The following LRP8 variants were observed in gnomAD, a reference collection of about 807,000 sequenced individuals.
LRP8 encodes low-density lipoprotein receptor-related protein 8.
In LRP8, 46 loss-of-function variants were observed where a neutral mutation model predicts 111.6. The observed-to-expected ratio is 0.41, with a 90% CI of 0.33 to 0.53. The LOEUF (loss-of-function observed/expected upper bound fraction) is 0.53. Ranked by LOEUF, LRP8 falls within the 20% of genes least tolerant of loss-of-function variation. LRP8 has a pLI of 0.20. For missense variants in LRP8, 959 were observed against 1,297.4 expected, an observed-to-expected ratio of 0.74 and a Z score of 4.01; for synonymous variants, 464 against 511.2, an observed-to-expected ratio of 0.91 and a Z score of 1.24.
Position 53,246,425 on chromosome 1 carries a change from CAG to C in LRP8, c.*591_*592del, listed in dbSNP as rs1215607399. 6 of 152,364 alleles carry C rather than the reference CAG, an allele frequency of 3.9e-5. No individual in the cohort carries two copies. Among genetic ancestry groups the C allele is most frequent in the Non-Finnish European group, 8.8e-5 (6 of 68,214 alleles). The allele number at this position is 152,364 out of a possible 1,614,324, so 9.4% of individuals were successfully genotyped here. ...ACATATAAACACACACATACACACA[CAG>C]AGTCTGTGTGGTGGGCCAAACATGC... On this transcript the variant is annotated 3_prime_UTR_variant, in exon 19 of 19. Transcript: ENST00000306052.
At position 53,246,137 on chromosome 1, in the gene LRP8, T is replaced by G. The variant is rs5176; in HGVS notation, c.*881A>C. On this transcript the variant is annotated 3_prime_UTR_variant, in exon 19 of 19. Transcript: ENST00000306052. ...AAAGCCAAGAAAGCCCTGGTAGGAG[T>G]CACAGCAGCCATGGGTGAGCTGAAA... The G allele has an allele frequency of 6.4e-4, 98 of 152,134 alleles. No homozygotes were observed. The highest frequency in any genetic ancestry group is 2.2e-3 in the African/African-American group (91 of 41,486). The allele number at this position is 152,134 out of a possible 1,614,324, so 9.4% of individuals were successfully genotyped here.
intron 2 of LRP8, among the ~76,000 whole-genome samples, chr1:53,309,147 C>A (rs1306211074): frequency 6.6e-6 from 1 of 152,236 alleles, no homozygotes; most frequent in East Asian, 1.9e-4. Flanking sequence ...TGGTCGCAGG[C>A]GCCTGTAATG....
chr1:53,257,759 C>T (rs1177985979), intron 14 of LRP8, among the ~76,000 whole-genome samples: 3 of 152,226 alleles, frequency 2.0e-5, no homozygotes, highest in Non-Finnish European at 4.4e-5. Flanking sequence ...ATTTTACACT[C>T]ATATATTGTT....
intron 8 of LRP8, 139 bp downstream of exon 8, chr1:53,270,889 G>C: frequency 1.6e-6 from 2 of 1,242,464 alleles, no homozygotes; most frequent in South Asian, 1.4e-5. Flanking sequence ...ACAAGGGACC[G>C]AGGATTCCCG....
rs1398652287 is a variant in LRP8, at chr1:53,250,668, T to C, written c.2676+22A>G. 1 of 1,606,586 alleles carries C rather than the reference T, an allele frequency of 6.2e-7. No homozygotes were observed. Among genetic ancestry groups the C allele is most frequent in the East Asian group, 2.2e-5 (1 of 44,646 alleles). ...GGGAAGATGGTCGGAAGGTAGGAAT[T>C]CTCCCAGTGAGAAATACTTACTGCA... On this transcript the variant is annotated intron_variant, in intron 17 of 18. Transcript: ENST00000306052. The surrounding 1 kb of genome is among the most constrained non-coding windows in gnomAD (Gnocchi z 4.6).
chr1:53,280,406 G>A (rs1647067407), intron 4 of LRP8, among the ~76,000 whole-genome samples, 181 bp downstream of exon 4: 1 of 152,198 alleles, frequency 6.6e-6, no homozygotes. Context: ...AGGTGCTTGT[G>A]AAGATGAAAG....
chr1:53,294,905 T>A lies in LRP8; in HGVS notation c.245-5216A>T, dbSNP rs1013461194. Among the ~76,000 whole-genome samples, 1 of 152,180 alleles carries A rather than the reference T, an allele frequency of 6.6e-6. No homozygotes were observed. Among genetic ancestry groups the A allele is most frequent in the East Asian group, 1.9e-4 (1 of 5,196 alleles). On this transcript the variant is annotated intron_variant, in intron 2 of 18. Transcript: ENST00000306052. This position sits in a 1 kb window ranked among gnomAD's most constrained non-coding sequence, Gnocchi z 4.1. ...CCGGTGCAGAGAGAAGGCTCCAAAA[T>A]AAAGATTAGTCCGGGCTGCCCAGGG...
rs1645845208 is a variant in LRP8, at chr1:53,250,018, GAGA to G, written c.2677-465_2677-463del. 6.6e-6 allele frequency among the ~76,000 whole-genome samples: 1 copy of G among 152,220 alleles called. No homozygotes were observed. The highest frequency in any genetic ancestry group is 1.9e-4 in the East Asian group (1 of 5,194). ...ACAGTGTGACAGGGGCTGTGAGGTA[GAGA>G]GGCCCAGAGTACTGTGGGAGAACAA... On this transcript the variant is annotated intron_variant, in intron 17 of 18. Coordinates refer to ENST00000306052, the MANE Select transcript of LRP8 (RefSeq NM_004631.5). The surrounding 1 kb of genome is among the most constrained non-coding windows in gnomAD (Gnocchi z 4.6).
intron 13 of LRP8, 130 bp from the exon 14 acceptor site, chr1:53,258,601 T>C (rs1646200985): frequency 1.4e-6 from 1 of 734,532 alleles, no homozygotes; most frequent in Non-Finnish European, 2.2e-6. Context: ...TCACATTTTT[T>C]TTCTTTTTCT....
Position 53,262,638 on chromosome 1 carries a change from A to G in LRP8, c.1656-74T>C. 1.8e-6 allele frequency: 2 copies of G among 1,130,244 alleles called. No individual in the cohort carries two copies. The highest frequency in any genetic ancestry group is 2.7e-6 in the Non-Finnish European group (2 of 744,838). The allele number at this position is 1,130,244 out of a possible 1,614,324, so 70.0% of individuals were successfully genotyped here. On this transcript the variant is annotated intron_variant, in intron 10 of 18. Coordinates refer to ENST00000306052, the MANE Select transcript of LRP8 (RefSeq NM_004631.5). The surrounding 1 kb of genome is among the most constrained non-coding windows in gnomAD (Gnocchi z 4.8). ...GGGTGGTCTGAGTCACAAGAGCTCA[A>G]TAACCCATTGACTAGTTGTGGTTTA... is the stretch of plus-strand genomic sequence containing the variant.
At chr1:53,297,692 G>A (rs983539609) in intron 2 of LRP8, among the ~76,000 whole-genome samples, 13 of 152,292 alleles carry the variant, frequency 8.5e-5, no homozygotes, top group Admixed American at 7.8e-4. Flanking sequence ...TGGTGAGGGC[G>A]GCTTTGCTTT....
intron 3 of LRP8, among the ~76,000 whole-genome samples, chr1:53,287,211 T>C (rs911025176): frequency 1.3e-5 from 2 of 152,212 alleles, no homozygotes; most frequent in African/African-American, 4.8e-5. Context: ...TCTCATTCAG[T>C]TGGGAAGCAG....
chr1:53,281,145 G>A (rs1440144317), intron 3 of LRP8, among the ~76,000 whole-genome samples: 1 of 152,154 alleles, frequency 6.6e-6, no homozygotes, highest in Non-Finnish European at 1.5e-5. Context: ...CCAGATCAGT[G>A]ACTCCATGAT....
At chr1:53,295,287 T>C (rs1159811388) in intron 2 of LRP8, among the ~76,000 whole-genome samples, 1 of 152,020 alleles carries the variant, frequency 6.6e-6, no homozygotes, top group African/African-American at 2.4e-5. Flanking sequence ...TAATGGGGCT[T>C]AGGGGCATGG....
chr1:53,286,773 T>C (rs1647622704), intron 3 of LRP8, among the ~76,000 whole-genome samples: 4 of 152,264 alleles, frequency 2.6e-5, no homozygotes, highest in Admixed American at 1.3e-4. Flanking sequence ...CTCCCTTCAC[T>C]GACACTATTT....
intron 8 of LRP8, among the ~76,000 whole-genome samples, chr1:53,270,706 C>G (rs868543479): frequency 9.2e-5 from 14 of 152,334 alleles, no homozygotes; most frequent in Middle Eastern, 3.4e-3. Flanking sequence ...GCAGGCTGCC[C>G]CCACTCTGCG....
intron 9 of LRP8, among the ~76,000 whole-genome samples, chr1:53,265,814 G>A (rs1022069799): frequency 2.0e-5 from 3 of 152,378 alleles, no homozygotes; most frequent in Non-Finnish European, 4.4e-5. Flanking sequence ...TCAGGACAAA[G>A]AAAGGACATG....
rs1237618780 is a variant in LRP8, at chr1:53,260,579, C to T, written c.1941G>A (p.Glu647=). The T allele has an allele frequency of 1.2e-6, 2 of 1,614,084 alleles. No individual in the cohort carries two copies. The highest frequency in any genetic ancestry group is 4.5e-5 in the East Asian group (2 of 44,892). ...FEDKVFWTDL[E]NEAIFSANRL... ...GATTTGCACTGAAAATGGCCTCGTTCTCCAGGTCTGTCCAGAACACCTTGT... is the reference window on the plus strand; with the variant it reads ...GATTTGCACTGAAAATGGCCTCGTTTTCCAGGTCTGTCCAGAACACCTTGT... Residue 647 remains glutamate, a synonymous_variant, in exon 13 of 19, where the codon GAG becomes GAA. Transcript: ENST00000306052.
intron 2 of LRP8, among the ~76,000 whole-genome samples, chr1:53,316,978 G>A (rs1653893652): frequency 6.6e-6 from 1 of 152,138 alleles, no homozygotes; most frequent in South Asian, 2.1e-4. Context: ...AGCGGGTATG[G>A]GAGAAGAGTG....
Sources: allele counts gnomAD v4.1 joint callset (sites outside exome capture counted in the v4.1 genomes callset), GRCh38; gene constraint gnomAD v4.1.1; non-coding constraint Gnocchi (gnomAD v3.1); transcripts MANE v1.5; gene names NCBI Gene and HGNC (gene_info 2026-07-23, HGNC 2026-07-21).